The following BNC2 variants were observed in gnomAD, a reference collection of about 807,000 sequenced individuals.
The protein encoded by BNC2 is zinc finger protein basonuclin-2.
Under a neutral mutation model 76.3 loss-of-function variants are expected in BNC2, and 20 were observed. That is an observed-to-expected ratio of 0.26 (90% confidence interval 0.18 to 0.38). BNC2 has a LOEUF of 0.38. Ranked by LOEUF, BNC2 falls within the 10% of genes least tolerant of loss-of-function variation. The pLI, the probability that BNC2 is intolerant of heterozygous loss-of-function variation, is 1.00. For synonymous variants in BNC2, 582 were observed against 514.8 expected (o/e 1.13, Z -1.77); for missense variants, 1,382 against 1,399.8 (o/e 0.99, Z 0.20).
intron 4 of BNC2, among the ~76,000 whole-genome samples, chr9:16,557,417 T>C (rs1276663047): frequency 1.3e-5 from 2 of 151,804 alleles, no homozygotes; most frequent in Non-Finnish European, 2.9e-5. Flanking sequence ...GAGAATCACC[T>C]GAACCCAGGA....
intron 1 of BNC2, among the ~76,000 whole-genome samples, chr9:16,763,505 G>A (rs1482506282): frequency 6.6e-6 from 1 of 152,064 alleles, no homozygotes; most frequent in Non-Finnish European, 1.5e-5. Flanking sequence ...AGGAGGTTGA[G>A]GCTGCAGTGA....
rs182354808 is a variant in BNC2, at chr9:16,488,826, T to C, written c.670-51302A>G. Among the ~76,000 whole-genome samples, 139 of 151,908 alleles carry C rather than the reference T, an allele frequency of 9.2e-4. 1 individual carries two copies. The highest frequency in any genetic ancestry group is 1.6e-4 in the Non-Finnish European group (11 of 68,000). On this transcript the variant is annotated intron_variant, in intron 5 of 6. Coordinates refer to ENST00000380672, the MANE Select transcript of BNC2 (RefSeq NM_017637.6). ...GATGGCCTGAACAAGGATAAAGGCT[T>C]CTTTTAGCAAAAAAAAACCCAAAAA...
At chr9:16,764,646 C>G (rs1430314407) in intron 1 of BNC2, among the ~76,000 whole-genome samples, 1 of 151,896 alleles carries the variant, frequency 6.6e-6, no homozygotes, top group Non-Finnish European at 1.5e-5. Context: ...GCTCACATTT[C>G]CTTTCTTGAA....
intron 1 of BNC2, among the ~76,000 whole-genome samples, chr9:16,847,620 G>C (rs1295427437): frequency 6.6e-6 from 1 of 152,042 alleles, no homozygotes; most frequent in African/African-American, 2.4e-5. Flanking sequence ...ACTTAATTTT[G>C]ACAATTAAAA....
intron 1 of BNC2, among the ~76,000 whole-genome samples, chr9:16,793,981 C>T (rs915216615): frequency 1.3e-5 from 2 of 150,474 alleles, no homozygotes; most frequent in African/African-American, 2.4e-5. Context: ...GGATTACAGG[C>T]GTGAGCCACC....
intron 1 of BNC2, among the ~76,000 whole-genome samples, chr9:16,769,663 C>A (rs909028933): frequency 8.5e-5 from 13 of 152,194 alleles, no homozygotes; most frequent in Non-Finnish European, 2.9e-5. Flanking sequence ...CACACCGCTT[C>A]CTCATCTACA....
In BNC2 at chr9:16,437,383, C is replaced by A; in HGVS notation, c.811G>T (p.Val271Leu). The change falls in exon 6 of 7, where the codon GTG becomes TTG. Residue 271 changes from valine (V) to leucine (L), a missense_variant. By Grantham distance (32) the Val-to-Leu change is conservative. Coordinates refer to ENST00000380672, the MANE Select transcript of BNC2 (RefSeq NM_017637.6). ...MAIQEKEGQA[V>L]AVPSSKTDSD... ...TCTGTCTTTGAAGATGGTACAGCCA[C>A]GGCCTGCCCTTCTTTCTCCTGAATT... 6.2e-7 allele frequency: 1 copy of A among 1,612,306 alleles called. No individual in the cohort carries two copies.
intron 5 of BNC2, among the ~76,000 whole-genome samples, chr9:16,516,381 A>C (rs1029967752): frequency 3.9e-5 from 6 of 152,136 alleles, no homozygotes; most frequent in African/African-American, 7.2e-5. Flanking sequence ...AAAAAAAAAA[A>C]AACTAACCAC....
intron 1 of BNC2, among the ~76,000 whole-genome samples, chr9:16,740,454 T>C (rs1414974095): frequency 6.6e-6 from 1 of 152,208 alleles, no homozygotes; most frequent in Non-Finnish European, 1.5e-5. Flanking sequence ...TTCATGTATA[T>C]TTGTGGCTAA....
At chr9:16,786,780 A>G (rs1040952634) in intron 1 of BNC2, among the ~76,000 whole-genome samples, 2 of 152,112 alleles carry the variant, frequency 1.3e-5, no homozygotes, top group Non-Finnish European at 2.9e-5. Flanking sequence ...GAGCAAAACC[A>G]CAAAGAGTGG....
chr9:16,512,488 A>G (rs77088797), intron 5 of BNC2, among the ~76,000 whole-genome samples: 16,598 of 151,864 alleles, frequency 0.11, 1,203 homozygotes, highest in East Asian at 0.29. Context: ...ACACGCGCAC[A>G]CACACACACA....
chr9:16,572,490 T>A (rs373160573), intron 4 of BNC2, among the ~76,000 whole-genome samples: 2 of 152,196 alleles, frequency 1.3e-5, no homozygotes, highest in South Asian at 2.1e-4. Context: ...CTTTGTTCCA[T>A]GCACCACATG....
rs1257927920 is a variant in BNC2 at position 16,437,130 on chromosome 9, G to C, written c.1064C>G (p.Pro355Arg). The change falls in exon 6 of 7, where the codon CCC becomes CGC. Residue 355 changes from proline to arginine, a missense_variant. By Grantham distance (103) the Pro-to-Arg change is moderately radical. This residue lies in a region of BNC2 where 557 missense variants were observed against 540.9 expected (regional missense o/e 1.03). Transcript: ENST00000380672. ...ATATTCATTCTGAGTTGAAAGGCTG[G>C]GTTCCCGCAGCCTCAACCCTGGTTG... Reference protein sequence around the residue: ...LEQPGLRLREPSLSTQNEYNE... With the variant: ...LEQPGLRLRERSLSTQNEYNE... 5 of 1,614,162 alleles carry C rather than the reference G, an allele frequency of 3.1e-6. No homozygotes were observed. The Admixed American group carries it at 8.3e-5, about 27-fold the overall frequency.
At chr9:16,637,642 T>A (rs188790885) in intron 3 of BNC2, among the ~76,000 whole-genome samples, 4 of 152,302 alleles carry the variant, frequency 2.6e-5, no homozygotes, top group African/African-American at 9.6e-5. Flanking sequence ...CAGTAACTTT[T>A]CTAAAAGGCA....
intron 3 of BNC2, among the ~76,000 whole-genome samples, chr9:16,630,632 C>A (rs571114976): frequency 5.3e-5 from 8 of 151,910 alleles, no homozygotes; most frequent in African/African-American, 1.9e-4. Context: ...TACTTCTTTT[C>A]CTTTTTTTAA....
chr9:16,412,723 GAGAGAGAGA>G lies in BNC2; in HGVS notation c.*6257_*6265del, dbSNP rs1563769979. The G allele has an allele frequency of 3.2e-4, 6 of 18,502 alleles. No homozygotes were observed. The highest frequency in any genetic ancestry group is 3.4e-3 in the South Asian group (1 of 290). The allele number at this position is 18,502 out of a possible 1,614,324, so 1.1% of individuals were successfully genotyped here. A position where few individuals can be genotyped will look rare whatever the true frequency, so the allele number is the denominator to read the frequency against. On this transcript the variant is annotated 3_prime_UTR_variant, in exon 7 of 7. Coordinates refer to ENST00000380672, the MANE Select transcript of BNC2 (RefSeq NM_017637.6). ...AAGAGGGAAGGAGAGAGAGAGGGGAGAGAGAGAGAGAGAGAGAGAGAGAGAGAGAGAGAG... is the reference window on the plus strand; with the variant it reads ...AAGAGGGAAGGAGAGAGAGAGGGGAGGAGAGAGAGAGAGAGAGAGAGAGAG...
At chr9:16,535,801 G>T (rs1170845590) in intron 5 of BNC2, among the ~76,000 whole-genome samples, 1 of 152,156 alleles carries the variant, frequency 6.6e-6, no homozygotes, top group African/African-American at 2.4e-5. Flanking sequence ...TTGGCTGATG[G>T]CATGCTAGCA....
intron 4 of BNC2, among the ~76,000 whole-genome samples, chr9:16,573,861 C>G (rs536606337): frequency 6.6e-6 from 1 of 152,256 alleles, no homozygotes; most frequent in East Asian, 1.9e-4. Flanking sequence ...ATATAAACAT[C>G]TACAAAGGCA....
intron 3 of BNC2, among the ~76,000 whole-genome samples, chr9:16,586,166 C>T (rs1180772495): frequency 6.6e-6 from 1 of 151,638 alleles, no homozygotes; most frequent in African/African-American, 2.4e-5. Context: ...GGTCTTGTTC[C>T]GAGTGCCCAG....
Sources: gnomAD v4.1 joint callset for allele counts (sites outside exome capture counted in the v4.1 genomes callset) on GRCh38, gnomAD v4.1.1 for gene constraint, gnomAD v4.1.1 regional missense constraint, MANE v1.5 for transcripts, NCBI Gene and HGNC (gene_info 2026-07-23, HGNC 2026-07-21) for gene names.